Variants in KIAA1549L observed in about 807,000 individuals in gnomAD.
KIAA1549L encodes the protein UPF0606 protein KIAA1549L.
Under a neutral mutation model 160.7 loss-of-function variants are expected in KIAA1549L, and 88 were observed. The ratio of observed to expected loss-of-function variants is 0.55; its 90% CI spans 0.46 to 0.65. The LOEUF (loss-of-function observed/expected upper bound fraction) is 0.65. KIAA1549L is among the 30% of genes least tolerant of loss of function. The probability of loss-of-function intolerance (pLI) is 0.00; values close to 1 mark genes in which losing one functional copy is unlikely to be tolerated. For synonymous variants in KIAA1549L, 950 were observed against 976.7 expected (o/e 0.97, Z 0.51); for missense variants, 2,258 against 2,437.5 (o/e 0.93, Z 1.55).
chr11:33,527,182 A>G (rs1481380983), intron 1 of KIAA1549L, among the ~76,000 whole-genome samples: 1 of 152,228 alleles, frequency 6.6e-6, no homozygotes, highest in Non-Finnish European at 1.5e-5. Flanking sequence ...AAACACAAAA[A>G]TAATTCGTGT....
At chr11:33,653,132 C>T (rs1027066733) in intron 17 of KIAA1549L, among the ~76,000 whole-genome samples, 4 of 152,180 alleles carry the variant, frequency 2.6e-5, no homozygotes, top group South Asian at 2.1e-4. Context: ...AAAATAGTTA[C>T]GTAACATGGC....
intron 1 of KIAA1549L, among the ~76,000 whole-genome samples, chr11:33,532,874 A>G (rs1853806535): frequency 6.6e-6 from 1 of 152,194 alleles, no homozygotes. Flanking sequence ...ACACCTTGGG[A>G]AGATTTTCTT....
intron 1 of KIAA1549L, among the ~76,000 whole-genome samples, chr11:33,538,103 C>T (rs191447400): frequency 1.1e-3 from 168 of 152,278 alleles, no homozygotes; most frequent in African/African-American, 3.9e-3. Flanking sequence ...AAGCAAGGCA[C>T]CTTCTTCACA....
intron 17 of KIAA1549L, among the ~76,000 whole-genome samples, chr11:33,647,895 TTA>T (rs569145264): frequency 4.6e-5 from 7 of 152,266 alleles, no homozygotes; most frequent in Admixed American, 2.6e-4. Context: ...AACATCAGCA[TTA>T]TATATATATT....
intron 1 of KIAA1549L, among the ~76,000 whole-genome samples, chr11:33,423,744 A>T (rs891541404): frequency 1.3e-5 from 2 of 152,214 alleles, no homozygotes; most frequent in African/African-American, 4.8e-5. Flanking sequence ...ATTGTAACAG[A>T]AGGCTGAGTG....
At chr11:33,522,315 G>A (rs1484024735) in intron 1 of KIAA1549L, among the ~76,000 whole-genome samples, 3 of 152,116 alleles carry the variant, frequency 2.0e-5, no homozygotes, top group East Asian at 1.9e-4. Context: ...TATTAATGGC[G>A]TTAGACTTCT....
chr11:33,526,460 C>A (rs946800110), intron 1 of KIAA1549L, among the ~76,000 whole-genome samples: 9 of 152,186 alleles, frequency 5.9e-5, no homozygotes, highest in African/African-American at 1.7e-4. Flanking sequence ...GTACTGGTAT[C>A]CATAGCTGGG....
At chr11:33,635,547 C>T (rs916665747) in intron 16 of KIAA1549L, among the ~76,000 whole-genome samples, 3 of 152,196 alleles carry the variant, frequency 2.0e-5, no homozygotes, top group African/African-American at 7.2e-5. Context: ...TGATGTTACA[C>T]CCACTTGTGT....
At chr11:33,567,968 A>G in intron 8 of KIAA1549L, 108 bp from the exon 9 acceptor site, 2 of 1,167,088 alleles carry the variant, frequency 1.7e-6, no homozygotes, top group East Asian at 2.8e-5. Context: ...AACATGAGGT[A>G]GGACACAGTG....
At chr11:33,563,281 G>A (rs529239365) in intron 8 of KIAA1549L, among the ~76,000 whole-genome samples, 113 of 151,222 alleles carry the variant, frequency 7.5e-4, no homozygotes, top group African/African-American at 2.6e-3. Flanking sequence ...ACCAGGAGGC[G>A]GAGGTTGTAG....
At chr11:33,662,424 T>C (rs1852296682) in intron 20 of KIAA1549L, among the ~76,000 whole-genome samples, 1 of 152,218 alleles carries the variant, frequency 6.6e-6, no homozygotes, top group African/African-American at 2.4e-5. Context: ...TCCCCTGCTG[T>C]TCAGTCTGTG....
In KIAA1549L at chr11:33,667,881, C is replaced by G. The variant is rs568455884; in HGVS notation, c.6168C>G (p.Leu2056=). The change falls in exon 21 of 21, where the codon CTC becomes CTG. Residue 2056 remains leucine (L), a synonymous_variant. Coordinates refer to ENST00000658780, the MANE Select transcript of KIAA1549L (RefSeq NM_012194.3). ...CCCCACGCCCTCTGCAGGTGCCCCT[C>G]CCAGGGTACATCGAGGCCTACCCCC... is the stretch of plus-strand genomic sequence containing the variant. ...LPSQWADSVP[L]PGYIEAYPRS... is the part of the protein sequence containing the mutation. 1 of 1,611,410 alleles carries G rather than the reference C, an allele frequency of 6.2e-7. No individual in the cohort carries two copies. Among genetic ancestry groups the G allele is most frequent in the South Asian group, 1.1e-5 (1 of 90,522 alleles).
intron 1 of KIAA1549L, among the ~76,000 whole-genome samples, chr11:33,463,837 T>C (rs1367188630): frequency 6.6e-6 from 1 of 152,238 alleles, no homozygotes; most frequent in African/African-American, 2.4e-5. Flanking sequence ...TTATTAACAA[T>C]GAATTTTTAA....
chr11:33,554,498 T>G (rs780739613), intron 6 of KIAA1549L, among the ~76,000 whole-genome samples: 3 of 152,230 alleles, frequency 2.0e-5, no homozygotes, highest in Non-Finnish European at 4.4e-5. Context: ...CATCAAGCTC[T>G]CTCTTCCTGT....
intron 1 of KIAA1549L, among the ~76,000 whole-genome samples, chr11:33,523,654 G>T (rs1345474219): frequency 2.0e-5 from 3 of 152,196 alleles, no homozygotes; most frequent in African/African-American, 7.2e-5. Flanking sequence ...TGAGTCCTGA[G>T]TTTGGCGTAG....
intron 4 of KIAA1549L, among the ~76,000 whole-genome samples, chr11:33,550,347 A>T (rs957332977): frequency 1.7e-5 from 2 of 119,592 alleles, no homozygotes; most frequent in African/African-American, 3.2e-5. Flanking sequence ...AAAACAAATT[A>T]AAAAAAAACC....
intron 9 of KIAA1549L, among the ~76,000 whole-genome samples, chr11:33,573,475 A>C (rs1855337121): frequency 6.6e-6 from 1 of 152,186 alleles, no homozygotes; most frequent in Non-Finnish European, 1.5e-5. Context: ...GTATTCATCC[A>C]TAATGATACA....
At chr11:33,553,171 T>G (rs1323950264) in intron 6 of KIAA1549L, among the ~76,000 whole-genome samples, 1 of 152,148 alleles carries the variant, frequency 6.6e-6, no homozygotes, top group Non-Finnish European at 1.5e-5. Flanking sequence ...TAAAAATTTT[T>G]TAATTATTTG....
At chr11:33,399,875 G>A (rs931573316) in intron 1 of KIAA1549L, among the ~76,000 whole-genome samples, 5 of 152,170 alleles carry the variant, frequency 3.3e-5, no homozygotes, top group African/African-American at 9.7e-5. Context: ...GTAGCACTCC[G>A]CTTCTCTTTG....
Sources: allele counts gnomAD v4.1 joint callset (sites outside exome capture counted in the v4.1 genomes callset), GRCh38; gene constraint gnomAD v4.1.1; transcripts MANE v1.5; gene names NCBI Gene and HGNC (gene_info 2026-07-23, HGNC 2026-07-21).